Variants in VPS53 observed in about 807,000 individuals in gnomAD.
VPS53 encodes the protein VPS53 subunit of GARP complex, also known as vacuolar protein sorting-associated protein 53 homolog.
In VPS53, 70 loss-of-function variants were observed where a neutral mutation model predicts 107.0. The ratio of observed to expected loss-of-function variants is 0.65; its 90% CI spans 0.54 to 0.80. The LOEUF is 0.80. Among genes scored for constraint, VPS53 ranks in the 30% least tolerant of loss-of-function variants. The pLI is 0.00. For missense variants in VPS53, 917 were observed against 1,049.4 expected, an observed-to-expected ratio of 0.87 and a Z score of 1.74; for synonymous variants, 409 against 393.3, an observed-to-expected ratio of 1.04 and a Z score of -0.47.
intron 3 of VPS53, 52 bp from the exon 4 acceptor site, chr17:697,536 T>A: frequency 6.9e-7 from 1 of 1,456,382 alleles, no homozygotes. Flanking sequence ...TATTCTAGGT[T>A]GACCAAAAGA....
intron 13 of VPS53, among the ~76,000 whole-genome samples, chr17:563,261 A>T (rs188102417): frequency 8.2e-5 from 12 of 146,324 alleles, no homozygotes; most frequent in African/African-American, 2.8e-4. Flanking sequence ...TCCATGCTTT[A>T]TACCCATCTC....
chr17:547,775 C>T (rs1474686057), intron 17 of VPS53, among the ~76,000 whole-genome samples: 1 of 152,098 alleles, frequency 6.6e-6, no homozygotes, highest in Non-Finnish European at 1.5e-5. Flanking sequence ...GTAGCTGGGA[C>T]TATAGGTGTG....
intron 4 of VPS53, among the ~76,000 whole-genome samples, chr17:672,175 ATCTCTCTCTC>A (rs10539620): frequency 4.7e-4 from 50 of 107,158 alleles, no homozygotes; most frequent in East Asian, 1.8e-3. Flanking sequence ...CACAATCTCA[ATCTCTCTCTC>A]TCTCTCTCTC....
At chr17:643,860 C>T (rs1970567273) in intron 7 of VPS53, among the ~76,000 whole-genome samples, 1 of 152,208 alleles carries the variant, frequency 6.6e-6, no homozygotes, top group African/African-American at 2.4e-5. Flanking sequence ...CGTGTCAACC[C>T]AGGAGGCCCA....
At chr17:650,308 A>T (rs1258389678) in intron 7 of VPS53, among the ~76,000 whole-genome samples, 1 of 151,990 alleles carries the variant, frequency 6.6e-6, no homozygotes, top group Non-Finnish European at 1.5e-5. Flanking sequence ...CAACCTGGGC[A>T]ACATAAGAAG....
intron 5 of VPS53, 129 bp from the exon 6 acceptor site, chr17:656,082 C>A: frequency 1.6e-6 from 1 of 633,160 alleles, no homozygotes. Flanking sequence ...CAAACATTCT[C>A]ACAATACAAA....
intron 4 of VPS53, among the ~76,000 whole-genome samples, chr17:669,024 G>T (rs1378043793): frequency 6.6e-6 from 1 of 152,032 alleles, no homozygotes; most frequent in African/African-American, 2.4e-5. Flanking sequence ...CTGAAGTTGG[G>T]GAAATGTACT....
At chr17:639,619 G>A (rs1451308540) in intron 7 of VPS53, among the ~76,000 whole-genome samples, 2 of 152,176 alleles carry the variant, frequency 1.3e-5, no homozygotes, top group East Asian at 1.9e-4. Flanking sequence ...CTGTTTGTTA[G>A]TTTTCCTTCT....
Position 560,538 on chromosome 17 carries a change from C to T in VPS53, c.1592G>A (p.Ser531Asn), listed in dbSNP as rs1411660945. ...TTSSGGLTIS[S>N]LLKEKEGSEV... is the part of the protein sequence containing the mutation. ...TGAGCCCTCCTTTTCCTTGAGGAGG[C>T]TGCTGATAGTCAGTCCTCCACTGCT... Residue 531 changes from serine to asparagine, a missense_variant, in exon 15 of 22, where the codon AGC becomes AAC. By Grantham distance (46) the Ser-to-Asn change is conservative. Coordinates refer to ENST00000437048, the MANE Select transcript of VPS53 (RefSeq NM_001128159.3). 3.1e-6 allele frequency: 5 copies of T among 1,614,070 alleles called. No individual in the cohort carries two copies. In the South Asian group the frequency reaches 5.5e-5, roughly 18 times the overall value.
chr17:596,982 G>T (rs538211621), intron 12 of VPS53, among the ~76,000 whole-genome samples: 1 of 152,276 alleles, frequency 6.6e-6, no homozygotes, highest in African/African-American at 2.4e-5. Flanking sequence ...AGATTAAATC[G>T]AACCGCTCGG....
intron 13 of VPS53, among the ~76,000 whole-genome samples, chr17:571,303 G>A (rs444385): frequency 0.84 from 127,298 of 151,690 alleles, 53,694 homozygotes; most frequent in Middle Eastern, 0.89. Flanking sequence ...AGAAAAAGAA[G>A]GAAGAGAAAA....
chr17:514,757 GC>G lies in VPS53; in HGVS notation c.*4370del. On this transcript the variant is annotated 3_prime_UTR_variant, in exon 22 of 22. Coordinates refer to ENST00000437048, the MANE Select transcript of VPS53 (RefSeq NM_001128159.3). ...GCTCTGCGTGCCCTGTACTGGTCAT[GC>G]TGGTCTCAGCTTGTCTGCTCTCAGT... is the stretch of plus-strand genomic sequence containing the variant. 1 of 152,676 alleles carries G rather than the reference GC, an allele frequency of 6.5e-6. No homozygotes were observed. The highest frequency in any genetic ancestry group is 2.1e-4 in the South Asian group (1 of 4,830). The allele number at this position is 152,676 out of a possible 1,614,324, so 9.5% of individuals were successfully genotyped here. A position where few individuals can be genotyped will look rare whatever the true frequency, so the allele number is the denominator to read the frequency against.
At position 598,718 on chromosome 17, in the gene VPS53, T is replaced by C. The variant is rs1251758445; in HGVS notation, c.1218+3077A>G. Among the ~76,000 whole-genome samples, 214 of 102,458 alleles carry C rather than the reference T, an allele frequency of 2.1e-3. 4 individuals are homozygous for C. The highest frequency in any genetic ancestry group is 3.6e-3 in the Non-Finnish European group (163 of 45,150). The allele number at this position is 102,458 out of a possible 152,430, so 67.2% of individuals were successfully genotyped here. On this transcript the variant is annotated intron_variant, in intron 12 of 21. Coordinates refer to ENST00000437048, the MANE Select transcript of VPS53 (RefSeq NM_001128159.3). ...CCGTCTGAGAAGTGAGGAGACCCTC[T>C]GCCCGGCAACCGCCCCGTCTGAGAA...
intron 10 of VPS53, among the ~76,000 whole-genome samples, chr17:625,550 A>T (rs1283826060): frequency 6.6e-6 from 1 of 151,228 alleles, no homozygotes; most frequent in Non-Finnish European, 1.5e-5. Flanking sequence ...ATGGACCATC[A>T]CTCTGGGTAA....
intron 10 of VPS53, among the ~76,000 whole-genome samples, chr17:623,945 ATTTAT>A (rs1437562934): frequency 6.6e-6 from 1 of 151,564 alleles, no homozygotes; most frequent in Non-Finnish European, 1.5e-5. Context: ...TTATTTATTT[ATTTAT>A]TTATTTGAGA....
intron 2 of VPS53, among the ~76,000 whole-genome samples, chr17:700,560 AT>A (rs775252390): frequency 7.9e-5 from 12 of 152,258 alleles, no homozygotes; most frequent in South Asian, 2.1e-4. Context: ...TCAAAAAAAA[AT>A]ATTTTCTTCT....
In VPS53 at chr17:626,466, G is replaced by C. The variant is rs141363433; in HGVS notation, c.974+708C>G. Reference sequence around the variant, plus strand: ...GGGCGGGCAGATCACCTGAGGTCGGGACTTCAAGACCAGCCTGGCCAACGT... The same window carrying C: ...GGGCGGGCAGATCACCTGAGGTCGGCACTTCAAGACCAGCCTGGCCAACGT... On this transcript the variant is annotated intron_variant, in intron 10 of 21. Transcript: ENST00000437048. 3.1e-3 allele frequency among the ~76,000 whole-genome samples: 475 copies of C among 152,226 alleles called. 2 individuals are homozygous for C. The highest frequency in any genetic ancestry group is 0.011 in the African/African-American group (457 of 41,538).
intron 4 of VPS53, among the ~76,000 whole-genome samples, chr17:681,087 T>C (rs1972375760): frequency 6.6e-6 from 1 of 152,138 alleles, no homozygotes. Flanking sequence ...TTTTGAAAAA[T>C]AACTATATTT....
At chr17:583,423 T>C (rs764906253) in intron 13 of VPS53, among the ~76,000 whole-genome samples, 18 of 142,950 alleles carry the variant, frequency 1.3e-4, no homozygotes, top group Admixed American at 6.2e-4. Flanking sequence ...CCTAATGCAT[T>C]CCCAGAGACC....
Sources: gnomAD v4.1 joint callset for allele counts (sites outside exome capture counted in the v4.1 genomes callset) on GRCh38, gnomAD v4.1.1 for gene constraint, MANE v1.5 for transcripts, NCBI Gene and HGNC (gene_info 2026-07-23, HGNC 2026-07-21) for gene names.